Variants in OSBPL10 observed in about 807,000 individuals in gnomAD.
OSBPL10 encodes oxysterol-binding protein-related protein 10.
A neutral mutation model predicts 81.7 loss-of-function variants in OSBPL10; 49 were observed. The ratio of observed to expected loss-of-function variants is 0.60; its 90% CI spans 0.48 to 0.76. The LOEUF (loss-of-function observed/expected upper bound fraction) is 0.76. Among genes scored for constraint, OSBPL10 ranks in the 30% least tolerant of loss-of-function variants. OSBPL10 has a pLI of 0.00. For missense variants in OSBPL10, 923 were observed against 987.8 expected (o/e 0.93, Z 0.88); for synonymous variants, 419 against 383.6 (o/e 1.09, Z -1.08).
At position 31,802,432 on chromosome 3, in the gene OSBPL10, G is replaced by C. The variant is rs1415676536; in HGVS notation, c.729+27608C>G. On this transcript the variant is annotated intron_variant, in intron 4 of 11. Coordinates refer to ENST00000396556, the MANE Select transcript of OSBPL10 (RefSeq NM_017784.5). Reference sequence around the variant, plus strand: ...ATTACAAAAATTAGCCAGGCATGGTGGCGGGCACCTGTAATCCCAGGAACT... The same window carrying C: ...ATTACAAAAATTAGCCAGGCATGGTCGCGGGCACCTGTAATCCCAGGAACT... 5.2e-4 allele frequency among the ~76,000 whole-genome samples: 78 copies of C among 151,408 alleles called. 1 individual carries two copies. Among genetic ancestry groups the C allele is most frequent in the Non-Finnish European group, 1.0e-4 (7 of 67,886 alleles).
upstream of OSBPL10, among the ~76,000 whole-genome samples, chr3:31,982,743 T>C (rs1175977922): frequency 6.6e-6 from 1 of 152,218 alleles, no homozygotes; most frequent in Non-Finnish European, 1.5e-5. Context: ...AAATTACCTC[T>C]TTTAGCCTTA....
At chr3:32,015,228 G>A (rs1460497860) in intron 2 of OSBPL10, among the ~76,000 whole-genome samples, 4 of 151,982 alleles carry the variant, frequency 2.6e-5, no homozygotes, top group Non-Finnish European at 4.4e-5. Context: ...AAACAGCATG[G>A]TACTGGTACC....
intron 9 of OSBPL10, among the ~76,000 whole-genome samples, chr3:31,669,050 A>G (rs1000218476): frequency 1.3e-5 from 2 of 152,224 alleles, no homozygotes; most frequent in African/African-American, 2.4e-5. Flanking sequence ...AAGTCTATAG[A>G]TTAGTTCATA....
At chr3:31,663,872 G>A (rs41285083) in intron 11 of OSBPL10, 94,667 of 1,445,390 alleles carry the variant, frequency 0.065, 3,384 homozygotes, top group South Asian at 0.11. Context: ...GCTCAGTTCT[G>A]CCCTCCAGAA....
At chr3:32,043,740 GA>G (rs1559554185) in intron 2 of OSBPL10, among the ~76,000 whole-genome samples, 1 of 152,158 alleles carries the variant, frequency 6.6e-6, no homozygotes, top group Non-Finnish European at 1.5e-5. Flanking sequence ...GCCATAAAAA[GA>G]ATGAAATCAT....
At chr3:31,691,679 T>G (rs1695556152) in intron 7 of OSBPL10, among the ~76,000 whole-genome samples, 1 of 152,114 alleles carries the variant, frequency 6.6e-6, no homozygotes, top group South Asian at 2.1e-4. Flanking sequence ...TGCAGGGAGC[T>G]ATGATTGCAC....
chr3:31,739,316 GAAGGAAGAAAC>G (rs1301552652), intron 5 of OSBPL10, among the ~76,000 whole-genome samples: 1 of 152,056 alleles, frequency 6.6e-6, no homozygotes, highest in Non-Finnish European at 1.5e-5. Flanking sequence ...AGGGAGAAAG[GAAGGAAGAAAC>G]AAGGAAGAGA....
At chr3:31,833,737 A>ACACACTCT (rs1491340793) in intron 3 of OSBPL10, among the ~76,000 whole-genome samples, 25 of 139,950 alleles carry the variant, frequency 1.8e-4, no homozygotes, top group African/African-American at 6.6e-4. Flanking sequence ...ACACACACAC[A>ACACACTCT]CTCTCTCTCT....
rs533555727 is a variant in OSBPL10 at position 31,883,787 on chromosome 3, G to A, written c.282-3957C>T. On this transcript the variant is annotated intron_variant, in intron 1 of 11. Coordinates refer to ENST00000396556, the MANE Select transcript of OSBPL10 (RefSeq NM_017784.5). ...GATCCACCCGCCTCGGCCTCCCCACGTGCTGGAATTACAGGCATGAGCCAC... is the reference window on the plus strand; with the variant it reads ...GATCCACCCGCCTCGGCCTCCCCACATGCTGGAATTACAGGCATGAGCCAC... Among the ~76,000 whole-genome samples, 7 of 152,232 alleles carry A rather than the reference G, an allele frequency of 4.6e-5. No individual in the cohort carries two copies. The South Asian group carries it at 1.0e-3, about 23-fold the overall frequency.
chr3:31,765,011 A>C (rs1273896643), intron 4 of OSBPL10, among the ~76,000 whole-genome samples: 1 of 151,774 alleles, frequency 6.6e-6, no homozygotes, highest in Non-Finnish European at 1.5e-5. Context: ...TAATTAACTA[A>C]CTACTTTTTT....
chr3:31,898,773 T>A (rs537406961), intron 1 of OSBPL10, among the ~76,000 whole-genome samples: 1 of 151,936 alleles, frequency 6.6e-6, no homozygotes, highest in Admixed American at 6.5e-5. Context: ...AAATGATGAA[T>A]AAATAAAATG....
chr3:31,769,745 C>A (rs1002103680), intron 4 of OSBPL10, among the ~76,000 whole-genome samples: 4 of 152,142 alleles, frequency 2.6e-5, no homozygotes, highest in African/African-American at 7.2e-5. Flanking sequence ...CACTAAGGAA[C>A]CCCACCTCAC....
intron 4 of OSBPL10, among the ~76,000 whole-genome samples, chr3:31,775,702 G>A (rs113435077): frequency 0.027 from 4,177 of 152,124 alleles, 88 homozygotes; most frequent in Middle Eastern, 0.034. Context: ...ACAGTGTGAC[G>A]ATGACAGGAG....
chr3:31,916,139 G>A lies in OSBPL10; in HGVS notation c.282-36309C>T, dbSNP rs117522975. 0.022 allele frequency among the ~76,000 whole-genome samples: 3,294 copies of A among 150,650 alleles called. 246 individuals are homozygous for A. The East Asian group carries it at 0.27, about 12-fold the overall frequency. ...AAGAATCCAGCACTGTCTCCAGGAG[G>A]GAAATAATTAATGTACAATAAGTAT... is the stretch of plus-strand genomic sequence containing the variant. On this transcript the variant is annotated intron_variant, in intron 1 of 11. Transcript: ENST00000396556.
intron 1 of OSBPL10, among the ~76,000 whole-genome samples, chr3:31,881,704 A>T (rs1695581674): frequency 6.6e-6 from 1 of 152,250 alleles, no homozygotes; most frequent in Non-Finnish European, 1.5e-5. Flanking sequence ...TTTTTCAAAT[A>T]GCTACTGAGT....
rs1225444509 is a variant in OSBPL10 at position 31,829,905 on chromosome 3, C to A, written c.729+135G>T. On this transcript the variant is annotated intron_variant, in intron 4 of 11. Coordinates refer to ENST00000396556, the MANE Select transcript of OSBPL10 (RefSeq NM_017784.5). Reference sequence around the variant, plus strand: ...TTAAACCAGGAAGGACCGTCACAGCCGTGTGGCTGGGAGGTTTGCTGCTGG... The same window carrying A: ...TTAAACCAGGAAGGACCGTCACAGCAGTGTGGCTGGGAGGTTTGCTGCTGG... The A allele has an allele frequency of 3.5e-6, 3 of 845,562 alleles. No homozygotes were observed. The African/African-American group carries it at 5.2e-5, about 15-fold the overall frequency. 52.4% of individuals were successfully genotyped at this position (845,562 alleles called of 1,614,324 possible). A position where few individuals can be genotyped will look rare whatever the true frequency, so the allele number is the denominator to read the frequency against.
rs115254044 is a variant in OSBPL10, at chr3:31,745,300, A to T, written c.940+2610T>A. Among the ~76,000 whole-genome samples the T allele has an allele frequency of 3.0e-3, 450 of 152,328 alleles. 5 individuals are homozygous for T. Among genetic ancestry groups the T allele is most frequent in the African/African-American group, 0.01 (436 of 41,578 alleles). ...AGAGTGTCCTTTTTTCAAAAGAAAT[A>T]CACACTGAAGTATGTAATAGTGAAG... On this transcript the variant is annotated intron_variant, in intron 5 of 11. Transcript: ENST00000396556.
intron 4 of OSBPL10, among the ~76,000 whole-genome samples, chr3:31,754,100 T>G (rs6550066): frequency 1.3e-5 from 2 of 151,848 alleles, no homozygotes; most frequent in African/African-American, 2.4e-5. Flanking sequence ...CCTTCGCCCT[T>G]TAATTCCCAG....
At chr3:31,667,199 G>A (rs1207718028) in intron 10 of OSBPL10, among the ~76,000 whole-genome samples, 1 of 152,264 alleles carries the variant, frequency 6.6e-6, no homozygotes, top group African/African-American at 2.4e-5. Flanking sequence ...TTCTGGGAAT[G>A]CTTCATCAGA....
Sources: gnomAD v4.1 joint callset for allele counts (sites outside exome capture counted in the v4.1 genomes callset) on GRCh38, gnomAD v4.1.1 for gene constraint, MANE v1.5 for transcripts, NCBI Gene and HGNC (gene_info 2026-07-23, HGNC 2026-07-21) for gene names.